Variants in AJAP1 observed in about 807,000 individuals in gnomAD.
AJAP1 encodes adherens junctions associated protein 1, also known as adherens junction-associated protein 1.
A neutral mutation model predicts 35.0 loss-of-function variants in AJAP1; 5 were observed. The ratio of observed to expected loss-of-function variants is 0.14; its 90% CI spans 0.07 to 0.30. AJAP1 has a LOEUF of 0.30. AJAP1 is among the 10% of genes least tolerant of loss of function. The probability of loss-of-function intolerance (pLI) is 1.00; values close to 1 mark genes in which losing one functional copy is unlikely to be tolerated. For synonymous variants in AJAP1, 284 were observed against 249.3 expected, an observed-to-expected ratio of 1.14 and a Z score of -1.31; for missense variants, 586 against 571.0, an observed-to-expected ratio of 1.03 and a Z score of -0.27.
chr1:4,753,103 T>C (rs962287266), intron 2 of AJAP1, among the ~76,000 whole-genome samples: 13 of 152,216 alleles, frequency 8.5e-5, no homozygotes, highest in Admixed American at 3.9e-4. Context: ...GCGTTTTATA[T>C]CATTGCTGCT....
At chr1:4,771,591 G>C (rs887443118) in intron 3 of AJAP1, among the ~76,000 whole-genome samples, 8 of 152,114 alleles carry the variant, frequency 5.3e-5, no homozygotes, top group African/African-American at 1.4e-4. Flanking sequence ...TTCTTGCTTC[G>C]TCGAGTCCCT....
chr1:4,757,009 G>T (rs1641447204), intron 2 of AJAP1, among the ~76,000 whole-genome samples: 1 of 152,138 alleles, frequency 6.6e-6, no homozygotes, highest in East Asian at 1.9e-4. Context: ...GCAGAGCCGG[G>T]GGTTCCCTGG....
intron 1 of AJAP1, among the ~76,000 whole-genome samples, chr1:4,705,429 T>TA (rs56362412): frequency 1.7e-5 from 2 of 116,862 alleles, no homozygotes; most frequent in Non-Finnish European, 3.5e-5. Context: ...TTTTTTTTTT[T>TA]AATGAGTACT....
Position 4,655,389 on chromosome 1 carries a change from G to T in AJAP1, c.-37G>T, listed in dbSNP as rs748208067. 1.2e-5 allele frequency: 19 copies of T among 1,535,592 alleles called. No homozygotes were observed. The highest frequency in any genetic ancestry group is 3.8e-5 in the Admixed American group (2 of 51,970). The stretch of plus-strand genomic sequence containing the variant: ...CGGGCGCCGCGCAGATGGCCTGGGC[G>T]AGCCAGGTCTGAGGCCCCGCTCCCC... On this transcript the variant is annotated 5_prime_UTR_variant, in exon 1 of 6. Transcript: ENST00000378191. This position sits in a 1 kb window ranked among gnomAD's most constrained non-coding sequence, Gnocchi z 6.9.
At chr1:4,764,085 G>T (rs1233892262) in intron 2 of AJAP1, among the ~76,000 whole-genome samples, 1 of 151,896 alleles carries the variant, frequency 6.6e-6, no homozygotes, top group East Asian at 1.9e-4. Context: ...AACTTTCCTG[G>T]TTCTCCAGCT....
Position 4,786,486 on chromosome 1 carries a change from T to A in AJAP1, c.*4001T>A, listed in dbSNP as rs1049932534. ...ATCCTTTCTTTCAAAAATACGTGAC[T>A]CTTTCACAGCCATATTTTAGCGTCA... On this transcript the variant is annotated 3_prime_UTR_variant, in exon 6 of 6. Coordinates refer to ENST00000378191, the MANE Select transcript of AJAP1 (RefSeq NM_018836.4). 6.6e-6 allele frequency: 1 copy of A among 152,172 alleles called. No homozygotes were observed. Among genetic ancestry groups the A allele is most frequent in the African/African-American group, 2.4e-5 (1 of 41,452 alleles). The allele number at this position is 152,172 out of a possible 1,614,324, so 9.4% of individuals were successfully genotyped here.
intron 2 of AJAP1, among the ~76,000 whole-genome samples, chr1:4,733,470 G>A (rs1448123085): frequency 6.7e-6 from 1 of 149,246 alleles, no homozygotes; most frequent in Non-Finnish European, 1.5e-5. Flanking sequence ...TATCTCGTGT[G>A]CCCAGGGCTG....
intron 2 of AJAP1, among the ~76,000 whole-genome samples, chr1:4,739,723 G>T (rs1641013837): frequency 6.6e-6 from 1 of 150,826 alleles, no homozygotes. Flanking sequence ...TTTGGTTGTT[G>T]TTTTTTTTTC....
chr1:4,671,182 A>G (rs1179949784), intron 1 of AJAP1, among the ~76,000 whole-genome samples: 1 of 152,160 alleles, frequency 6.6e-6, no homozygotes, highest in Admixed American at 6.5e-5. Flanking sequence ...CAGCCTGGCC[A>G]ACATGGTAAA....
chr1:4,776,868 C>A (rs1230429297), intron 5 of AJAP1, among the ~76,000 whole-genome samples: 1 of 152,204 alleles, frequency 6.6e-6, no homozygotes, highest in Non-Finnish European at 1.5e-5. Flanking sequence ...TCAGGTAGGT[C>A]GTCCGCAGAG....
rs2100386456 is a variant in AJAP1 at position 4,789,398 on chromosome 1, G to A, written c.*6913G>A. 6.6e-6 allele frequency: 1 copy of A among 152,200 alleles called. No homozygotes were observed. The highest frequency in any genetic ancestry group is 1.9e-4 in the East Asian group (1 of 5,198). 9.4% of individuals were successfully genotyped at this position (152,200 alleles called of 1,614,324 possible). ...ACATCTGTTAAGTAACATGCGGCAG[G>A]AAAGGATGCAGGGAGCATTGGACTG... On this transcript the variant is annotated 3_prime_UTR_variant, in exon 6 of 6. Coordinates refer to ENST00000378191, the MANE Select transcript of AJAP1 (RefSeq NM_018836.4). The surrounding 1 kb of genome is among the most constrained non-coding windows in gnomAD (Gnocchi z 4.4).
At chr1:4,756,466 T>G (rs932042937) in intron 2 of AJAP1, among the ~76,000 whole-genome samples, 1 of 152,174 alleles carries the variant, frequency 6.6e-6, no homozygotes, top group Non-Finnish European at 1.5e-5. Context: ...AGTAATGCCC[T>G]CCTGGGTCAA....
At position 4,772,458 on chromosome 1, in the gene AJAP1, C is replaced by A; in HGVS notation, c.1096C>A (p.Pro366Thr). Residue 366 changes from proline (P) to threonine (T), a missense_variant, in exon 4 of 6, where the codon CCC (proline) becomes ACC (threonine). Coordinates refer to ENST00000378191, the MANE Select transcript of AJAP1 (RefSeq NM_018836.4). ...TCACGAGTGCGTCAGGGCATCTGTG[C>A]CCGTGTACACCGATGAGACGCTGCA... ...CSHECVRASV[P>T]VYTDETLHST... is the part of the protein sequence containing the mutation. The A allele has an allele frequency of 1.2e-6, 2 of 1,614,230 alleles. No individual in the cohort carries two copies. Among genetic ancestry groups the A allele is most frequent in the Admixed American group, 1.7e-5 (1 of 60,022 alleles).
intron 1 of AJAP1, among the ~76,000 whole-genome samples, chr1:4,661,216 A>C (rs1044632109): frequency 5.3e-5 from 8 of 152,190 alleles, no homozygotes; most frequent in Admixed American, 5.2e-4. Context: ...AACTTCTGAG[A>C]TATCATGACC....
rs865954324 is a variant in AJAP1, at chr1:4,655,829, G to T, written c.29+375G>T. 2.1e-4 allele frequency among the ~76,000 whole-genome samples: 31 copies of T among 149,302 alleles called. No individual in the cohort carries two copies. The highest frequency in any genetic ancestry group is 2.7e-4 in the Admixed American group (4 of 15,046). The stretch of plus-strand genomic sequence containing the variant: ...GGGCGAGGCGCCGGCCGCTGGGCGC[G>T]GCGGGCGCGGGGGCCGGGGCTGCCG... On this transcript the variant is annotated intron_variant, in intron 1 of 5. Transcript: ENST00000378191. The surrounding 1 kb of genome is among the most constrained non-coding windows in gnomAD (Gnocchi z 6.9).
chr1:4,703,795 T>C (rs1029838787), intron 1 of AJAP1, among the ~76,000 whole-genome samples: 64 of 152,158 alleles, frequency 4.2e-4, no homozygotes, highest in African/African-American at 1.4e-3. Flanking sequence ...TTTGATCTCT[T>C]GTCTTTGCAA....
intron 1 of AJAP1, among the ~76,000 whole-genome samples, chr1:4,702,247 G>T (rs1640005396): frequency 6.6e-6 from 1 of 152,208 alleles, no homozygotes; most frequent in African/African-American, 2.4e-5. Flanking sequence ...CCTCGTTCCT[G>T]AGCAGAGATC....
rs975119371 is a variant in AJAP1 at position 4,711,970 on chromosome 1, C to T, written c.100C>T (p.Leu34Phe). 2 of 1,581,332 alleles carry T rather than the reference C, an allele frequency of 1.3e-6. No individual in the cohort carries two copies. The highest frequency in any genetic ancestry group is 1.7e-4 in the Middle Eastern group (1 of 5,998). ...HAWILIAMFQ[L>F]AVDLPACEAL... is the part of the protein sequence containing the mutation. ...CTGGATACTGATAGCCATGTTTCAGCTCGCCGTGGACCTGCCCGCCTGTGA... is the reference window on the plus strand; with the variant it reads ...CTGGATACTGATAGCCATGTTTCAGTTCGCCGTGGACCTGCCCGCCTGTGA... The change falls in exon 2 of 6, where the codon CTC (leucine) becomes TTC (phenylalanine). Residue 34 changes from leucine (L) to phenylalanine (F), a missense_variant. Transcript: ENST00000378191.
chr1:4,660,398 T>C (rs1275849799), intron 1 of AJAP1, among the ~76,000 whole-genome samples: 1 of 152,126 alleles, frequency 6.6e-6, no homozygotes, highest in Non-Finnish European at 1.5e-5. Context: ...AAACGTTCTC[T>C]ATCTTGACTA....
Sources: allele counts gnomAD v4.1 joint callset (sites outside exome capture counted in the v4.1 genomes callset), GRCh38; gene constraint gnomAD v4.1.1; non-coding constraint Gnocchi (gnomAD v3.1); transcripts MANE v1.5; gene names NCBI Gene and HGNC (gene_info 2026-07-23, HGNC 2026-07-21).